TCF4: variants seen among roughly 807,000 people sequenced by gnomAD.
TCF4 encodes the protein SL3-3 enhancer factor 2.
TCF4 carries 3 observed loss-of-function variants against 82.1 expected under a neutral mutation model. The ratio of observed to expected loss-of-function variants is 0.04; its 90% CI spans 0.02 to 0.09. The LOEUF (loss-of-function observed/expected upper bound fraction) is 0.09. Ranked by LOEUF, TCF4 falls within the 10% of genes least tolerant of loss-of-function variation. The pLI, the probability that TCF4 is intolerant of heterozygous loss-of-function variation, is 1.00. For synonymous variants in TCF4, 276 were observed against 309.6 expected (o/e 0.89, Z 1.14); for missense variants, 518 against 852.7 (o/e 0.61, Z 4.89).
intron 3 of TCF4, among the ~76,000 whole-genome samples, chr18:55,531,251 GC>G (rs1568328916): frequency 1.3e-5 from 2 of 152,044 alleles, no homozygotes; most frequent in African/African-American, 4.8e-5. Context: ...ACCACACCAG[GC>G]CTACCAGAGC....
At chr18:55,360,731 C>CTTT (rs35704472) in intron 6 of TCF4, among the ~76,000 whole-genome samples, 22,443 of 73,880 alleles carry the variant, frequency 0.3, 3,619 homozygotes, top group East Asian at 0.52. Flanking sequence ...GCCCCCCACC[C>CTTT]TTTTTTTTTT....
chr18:55,588,465 A>C (rs1568472518), upstream of TCF4: 48 of 1,534,864 alleles, frequency 3.1e-5, no homozygotes, highest in African/African-American at 4.1e-5. Context: ...AAATTCATCG[A>C]GCACCTCATT....
intron 2 of TCF4, chr18:55,585,621 C>A (rs1331394232): frequency 3.6e-6 from 2 of 559,306 alleles, no homozygotes; most frequent in Non-Finnish European, 5.6e-6. Flanking sequence ...AACACAGTCC[C>A]CATAATGTTA....
chr18:55,362,571 C>T (rs898225019), intron 6 of TCF4, among the ~76,000 whole-genome samples: 5 of 152,122 alleles, frequency 3.3e-5, no homozygotes, highest in Non-Finnish European at 5.9e-5. Flanking sequence ...GTAAAAATAA[C>T]GGGCCTCCAA....
chr18:55,449,003 T>G (rs576053380), intron 5 of TCF4, among the ~76,000 whole-genome samples: 1 of 152,134 alleles, frequency 6.6e-6, no homozygotes, highest in African/African-American at 2.4e-5. Context: ...AAATGGAAAA[T>G]GTAATCACAC....
chr18:55,532,499 T>C (rs531182623), intron 3 of TCF4, among the ~76,000 whole-genome samples: 2 of 152,246 alleles, frequency 1.3e-5, no homozygotes, highest in Non-Finnish European at 2.9e-5. Context: ...CAAAGGAAGA[T>C]AGAAAACCGT....
At chr18:55,492,241 A>G (rs531838643) in intron 3 of TCF4, 3 of 152,224 alleles carry the variant, frequency 2.0e-5, no homozygotes, top group Non-Finnish European at 4.4e-5. Flanking sequence ...GCAAAGATAT[A>G]CCATGTCTCA....
chr18:55,586,700 T>C (rs2097652978), intron 2 of TCF4, among the ~76,000 whole-genome samples: 1 of 152,174 alleles, frequency 6.6e-6, no homozygotes, highest in African/African-American at 2.4e-5. Context: ...TGCAAAGTAT[T>C]AGTAGTCTCA....
intron 7 of TCF4, among the ~76,000 whole-genome samples, 175 bp downstream of exon 7, chr18:55,350,699 G>C (rs1177953559): frequency 6.6e-6 from 1 of 151,494 alleles, no homozygotes; most frequent in African/African-American, 2.4e-5. Context: ...ACCATAAGCT[G>C]TTAACGTACC....
At chr18:55,611,697 A>G (rs1189561517) in intron 2 of TCF4, among the ~76,000 whole-genome samples, 2 of 152,232 alleles carry the variant, frequency 1.3e-5, no homozygotes, top group South Asian at 4.1e-4. Context: ...TAATTTGATA[A>G]TATATTTTAT....
intron 3 of TCF4, among the ~76,000 whole-genome samples, chr18:55,523,074 A>C (rs1008271706): frequency 6.6e-6 from 1 of 152,078 alleles, no homozygotes; most frequent in African/African-American, 2.4e-5. Context: ...TAAACTTGAT[A>C]ATCTCTTTGA....
chr18:55,259,913 C>T (rs2057682225), intron 13 of TCF4, 36 bp downstream of exon 13: 1 of 1,541,304 alleles, frequency 6.5e-7, no homozygotes, highest in Non-Finnish European at 9.0e-7. Flanking sequence ...TTCTTATAAA[C>T]TGTTATATGA....
At chr18:55,381,147 T>C (rs1272760610) in intron 6 of TCF4, among the ~76,000 whole-genome samples, 1 of 152,216 alleles carries the variant, frequency 6.6e-6, no homozygotes, top group Non-Finnish European at 1.5e-5. Flanking sequence ...CGAAATGTCT[T>C]GGGAAATCAT....
intron 6 of TCF4, among the ~76,000 whole-genome samples, chr18:55,371,932 GAAAT>G (rs2089336095): frequency 1.3e-5 from 2 of 152,208 alleles, no homozygotes; most frequent in East Asian, 1.9e-4. Flanking sequence ...GATTAATGGA[GAAAT>G]AAATGAAAGA....
At chr18:55,621,633 ATATT>A (rs2097719601) in intron 2 of TCF4, among the ~76,000 whole-genome samples, 1 of 75,782 alleles carries the variant, frequency 1.3e-5, no homozygotes, top group Non-Finnish European at 2.3e-5. Context: ...TATAATATAT[ATATT>A]ATATAATATA....
At chr18:55,484,243 A>ATTAT (rs2096484502) in intron 3 of TCF4, among the ~76,000 whole-genome samples, 1 of 152,226 alleles carries the variant, frequency 6.6e-6, no homozygotes, top group East Asian at 1.9e-4. Flanking sequence ...CCTAATTATA[A>ATTAT]GGGCTTTTCT....
At chr18:55,301,982 C>T (rs940891767) in intron 8 of TCF4, among the ~76,000 whole-genome samples, 1 of 152,162 alleles carries the variant, frequency 6.6e-6, no homozygotes, top group Non-Finnish European at 1.5e-5. Context: ...CAATTCAATA[C>T]ATCACAATGG....
intron 6 of TCF4, among the ~76,000 whole-genome samples, chr18:55,359,535 C>T (rs1486198268): frequency 2.0e-5 from 3 of 152,188 alleles, no homozygotes; most frequent in Non-Finnish European, 4.4e-5. Flanking sequence ...CAGTAAAGGC[C>T]AACTGGATAA....
chr18:55,580,696 A>G (rs1045840125), intron 3 of TCF4, among the ~76,000 whole-genome samples: 1 of 151,876 alleles, frequency 6.6e-6, no homozygotes, highest in African/African-American at 2.4e-5. Flanking sequence ...CGAAGCCTCA[A>G]TATCACACTG....
Sources: allele counts gnomAD v4.1 joint callset (sites outside exome capture counted in the v4.1 genomes callset), GRCh38; gene constraint gnomAD v4.1.1; transcripts MANE v1.5; gene names NCBI Gene and HGNC (gene_info 2026-07-23, HGNC 2026-07-21).